KLHL8: variants seen among roughly 807,000 people sequenced by gnomAD.
KLHL8 encodes the protein kelch-like protein 8.
In KLHL8, 38 loss-of-function variants were observed where a neutral mutation model predicts 63.5. The ratio of observed to expected loss-of-function variants is 0.60; its 90% CI spans 0.46 to 0.78. The LOEUF is 0.78. KLHL8 is among the 30% of genes least tolerant of loss of function. KLHL8 has a pLI of 0.00. For synonymous variants in KLHL8, 224 were observed against 254.3 expected, an observed-to-expected ratio of 0.88 and a Z score of 1.13; for missense variants, 566 against 752.4, an observed-to-expected ratio of 0.75 and a Z score of 2.90.
chr4:87,182,930 C>T lies in KLHL8; in HGVS notation c.952+273G>A, dbSNP rs1055944044. 3.3e-5 allele frequency among the ~76,000 whole-genome samples: 5 copies of T among 152,084 alleles called. No homozygotes were observed. In the South Asian group the frequency reaches 8.3e-4, roughly 25 times the overall value. On this transcript the variant is annotated intron_variant, in intron 4 of 9. Transcript: ENST00000273963. Reference sequence around the variant, plus strand: ...TAAATGACAATGCAACATAGTAAACCAAGTTCAGAATCGGGAAAGATCTCA... The same window carrying T: ...TAAATGACAATGCAACATAGTAAACTAAGTTCAGAATCGGGAAAGATCTCA...
chr4:87,190,548 G>A (rs1731441948), intron 2 of KLHL8, among the ~76,000 whole-genome samples: 1 of 151,862 alleles, frequency 6.6e-6, no homozygotes, highest in Non-Finnish European at 1.5e-5. Flanking sequence ...GGGGGCTGAC[G>A]TGGAAGAATC....
At chr4:87,171,178 A>C (rs140275344) in intron 6 of KLHL8, among the ~76,000 whole-genome samples, 2,451 of 149,668 alleles carry the variant, frequency 0.016, 76 homozygotes, top group African/African-American at 0.057. Flanking sequence ...AACAGTGATC[A>C]AAAAAAAAAC....
chr4:87,233,412 A>C (rs1446252086), intron 1 of KLHL8, among the ~76,000 whole-genome samples: 2 of 151,368 alleles, frequency 1.3e-5, no homozygotes, highest in African/African-American at 4.9e-5. Flanking sequence ...ACATGGTGAA[A>C]CCCCAACAAA....
At chr4:87,170,415 G>C (rs1424643455) in intron 7 of KLHL8, 32 bp downstream of exon 7, 11 of 1,572,136 alleles carry the variant, frequency 7.0e-6, no homozygotes, top group Middle Eastern at 1.7e-4. Flanking sequence ...GTAATGCAAT[G>C]TAATTTAATG....
intron 4 of KLHL8, among the ~76,000 whole-genome samples, chr4:87,181,645 T>C (rs1162703313): frequency 6.6e-6 from 1 of 152,050 alleles, no homozygotes; most frequent in Non-Finnish European, 1.5e-5. Flanking sequence ...ATACCCTTTC[T>C]CTACTATTTC....
At chr4:87,182,405 T>G (rs1176295226) in intron 4 of KLHL8, among the ~76,000 whole-genome samples, 1 of 152,152 alleles carries the variant, frequency 6.6e-6, no homozygotes, top group East Asian at 1.9e-4. Context: ...TAATCAGGTA[T>G]TGCCTTTTGT....
chr4:87,235,607 C>T (rs931842087), intron 1 of KLHL8, among the ~76,000 whole-genome samples: 13 of 152,098 alleles, frequency 8.5e-5, no homozygotes, highest in African/African-American at 2.9e-4. Context: ...CTTTGGGGGG[C>T]AGGGTGGAGA....
chr4:87,226,610 T>TTTATATAAATAATATATATATTAC (rs1560723176), intron 1 of KLHL8, among the ~76,000 whole-genome samples: 6 of 52,576 alleles, frequency 1.1e-4, no homozygotes, highest in Non-Finnish European at 1.8e-4. Context: ...ATATATATTA[T>TTTATATAAATAATATATATATTAC]TTATATAAAT....
intron 1 of KLHL8, among the ~76,000 whole-genome samples, chr4:87,203,023 A>G (rs898655413): frequency 6.6e-6 from 1 of 152,210 alleles, no homozygotes; most frequent in African/African-American, 2.4e-5. Context: ...ATAGTCTACC[A>G]TATTACCAGC....
At chr4:87,194,184 C>A (rs1731602554) in intron 2 of KLHL8, among the ~76,000 whole-genome samples, 1 of 152,098 alleles carries the variant, frequency 6.6e-6, no homozygotes, top group Non-Finnish European at 1.5e-5. Context: ...TGGATTAGTG[C>A]CTTAAGAGAG....
intron 1 of KLHL8, among the ~76,000 whole-genome samples, chr4:87,235,296 T>G (rs1036031062): frequency 6.6e-6 from 1 of 152,198 alleles, no homozygotes; most frequent in African/African-American, 2.4e-5. Flanking sequence ...GTATTTTTAG[T>G]GTACCTTTCC....
intron 8 of KLHL8, among the ~76,000 whole-genome samples, chr4:87,168,692 A>C (rs1006430059): frequency 6.8e-6 from 1 of 147,182 alleles, no homozygotes; most frequent in African/African-American, 2.5e-5. Flanking sequence ...GTGTGTATAT[A>C]TATACGTATA....
chr4:87,209,984 G>A (rs1732334396), intron 1 of KLHL8, among the ~76,000 whole-genome samples: 1 of 151,580 alleles, frequency 6.6e-6, no homozygotes, highest in Non-Finnish European at 1.5e-5. Context: ...CTTCTGAGTA[G>A]CTGGGACTAC....
rs77211076 is a variant in KLHL8, at chr4:87,202,039, G to A, written c.-151-6349C>T. Among the ~76,000 whole-genome samples the A allele has an allele frequency of 8.5e-3, 1,286 of 151,226 alleles. 49 individuals are homozygous for A. The highest frequency in any genetic ancestry group is 0.083 in the East Asian group (423 of 5,118). ...GGAGAATGGTGGCATGAAATCGGGA[G>A]GCGGAGCTTGCAGTGAGCCGAGATC... is the stretch of plus-strand genomic sequence containing the variant. On this transcript the variant is annotated intron_variant, in intron 1 of 9. Transcript: ENST00000273963.
chr4:87,197,433 C>A (rs759556713), intron 1 of KLHL8, among the ~76,000 whole-genome samples: 1 of 152,122 alleles, frequency 6.6e-6, no homozygotes, highest in Non-Finnish European at 1.5e-5. Context: ...TCATACAGCT[C>A]CAAGGAAATG....
At position 87,195,700 on chromosome 4, in the gene KLHL8, C is replaced by A. The variant is rs1252293969; in HGVS notation, c.-151-10G>T. ...GTACAGTTTGCTGTGACTGAAAAAT[C>A]AACAATAAAACAGGTAGAGACAAAC... On this transcript the variant is annotated splice_polypyrimidine_tract_variant and intron_variant, in intron 1 of 9. Transcript: ENST00000273963. 1.8e-6 allele frequency: 1 copy of A among 557,764 alleles called. No individual in the cohort carries two copies. The highest frequency in any genetic ancestry group is 3.1e-6 in the Non-Finnish European group (1 of 320,054). The allele number at this position is 557,764 out of a possible 1,614,324, so 34.6% of individuals were successfully genotyped here. A position where few individuals can be genotyped will look rare whatever the true frequency, so the allele number is the denominator to read the frequency against.
At chr4:87,222,955 T>C (rs1489008726), upstream of KLHL8, among the ~76,000 whole-genome samples, 2 of 152,068 alleles carry the variant, frequency 1.3e-5, no homozygotes, top group Admixed American at 6.6e-5. Flanking sequence ...TATTTTATTT[T>C]ATTTATTTTA....
intron 4 of KLHL8, among the ~76,000 whole-genome samples, chr4:87,179,934 G>A (rs572323497): frequency 1.3e-5 from 2 of 152,244 alleles, no homozygotes; most frequent in East Asian, 3.9e-4. Flanking sequence ...TGATTCAGTA[G>A]GTTTGGGATA....
In KLHL8 at chr4:87,170,193, A is replaced by G. The variant is rs367889221; in HGVS notation, c.1423T>C (p.Ser475Pro). The G allele has an allele frequency of 3.7e-6, 6 of 1,613,654 alleles. No individual in the cohort carries two copies. Among genetic ancestry groups the G allele is most frequent in the Non-Finnish European group, 5.1e-6 (6 of 1,179,858 alleles). ...TGTGGATCATATCTCTCCACGCTAGATAAAGAAGCCATTCCATCATTGCCA... is the reference window on the plus strand; with the variant it reads ...TGTGGATCATATCTCTCCACGCTAGGTAAAGAAGCCATTCCATCATTGCCA... ...VGGNDGMASL[S>P]SVERYDPHLD... Residue 475 changes from serine (S) to proline (P), a missense_variant, in exon 8 of 10, where the codon TCT becomes CCT. Physicochemically the swap from Ser to Pro is moderately conservative, Grantham distance 74. Transcript: ENST00000273963.
Sources: allele counts gnomAD v4.1 joint callset (sites outside exome capture counted in the v4.1 genomes callset), GRCh38; gene constraint gnomAD v4.1.1; transcripts MANE v1.5; gene names NCBI Gene and HGNC (gene_info 2026-07-23, HGNC 2026-07-21).